The following BMP5 variants were observed in gnomAD, a reference collection of about 807,000 sequenced individuals.
The protein encoded by BMP5 is bone morphogenetic protein 5.
In BMP5, 23 loss-of-function variants were observed where a neutral mutation model predicts 46.6. The ratio of observed to expected loss-of-function variants is 0.49; its 90% CI spans 0.35 to 0.70. The LOEUF is 0.70. Among genes scored for constraint, BMP5 ranks in the 30% least tolerant of loss-of-function variants. The pLI is 0.00. For synonymous variants in BMP5, 204 were observed against 191.9 expected, an observed-to-expected ratio of 1.06 and a Z score of -0.52; for missense variants, 545 against 565.6, an observed-to-expected ratio of 0.96 and a Z score of 0.37.
intron 1 of BMP5, among the ~76,000 whole-genome samples, chr6:55,852,290 T>A (rs775167828): frequency 1.2e-4 from 18 of 152,092 alleles, no homozygotes; most frequent in Non-Finnish European, 2.1e-4. Flanking sequence ...TTTTTGTATA[T>A]TTTTGTGACG....
At chr6:55,772,972 C>A in intron 4 of BMP5, 2 of 956,770 alleles carry the variant, frequency 2.1e-6, no homozygotes, top group East Asian at 1.2e-4. Context: ...AACACTCATG[C>A]ATGTTTGAGT....
chr6:55,841,906 GAGAGAGAGAC>G (rs1445860408), intron 1 of BMP5, among the ~76,000 whole-genome samples: 1 of 142,292 alleles, frequency 7.0e-6, no homozygotes, highest in African/African-American at 2.7e-5. Context: ...CCATAACAGA[GAGAGAGAGAC>G]AGAGAGAGAG....
Position 55,794,397 on chromosome 6 carries a change from T to C in BMP5, c.714A>G (p.Arg238=). The change falls in exon 3 of 7, where the codon AGA becomes AGG. Residue 238 remains arginine (R), a synonymous_variant. Coordinates refer to ENST00000370830, the MANE Select transcript of BMP5 (RefSeq NM_021073.4). ...RDADLFLLDT[R]KAQALDVGWL... is the part of the protein sequence containing the mutation. ...AACCCACATCTAAAGCTTGGGCCTT[T>C]CTTGTGTCTAACAAGAACAGATCTG... is the stretch of plus-strand genomic sequence containing the variant. 6.2e-7 allele frequency: 1 copy of C among 1,614,002 alleles called. No individual in the cohort carries two copies. Among genetic ancestry groups the C allele is most frequent in the Non-Finnish European group, 8.5e-7 (1 of 1,179,898 alleles).
rs149143479 is a variant in BMP5, at chr6:55,802,147, C to A, written c.684-7720G>T. 5.0e-4 allele frequency among the ~76,000 whole-genome samples: 76 copies of A among 152,316 alleles called. No homozygotes were observed. The South Asian group carries it at 0.015, about 31-fold the overall frequency. ...CTATCTATGATTCAACTAGCAAAAT[C>A]TGTGCTTCTGACTCCCAAGACATTG... is the stretch of plus-strand genomic sequence containing the variant. On this transcript the variant is annotated intron_variant, in intron 2 of 6. Coordinates refer to ENST00000370830, the MANE Select transcript of BMP5 (RefSeq NM_021073.4).
intron 4 of BMP5, 89 bp from the exon 5 acceptor site, chr6:55,760,622 G>T: frequency 8.6e-7 from 1 of 1,167,130 alleles, no homozygotes. Flanking sequence ...ATTTTTTAAA[G>T]GGGTTTTATT....
intron 1 of BMP5, among the ~76,000 whole-genome samples, chr6:55,824,141 G>A (rs3798833): frequency 0.22 from 32,689 of 151,750 alleles, 3,728 homozygotes; most frequent in Non-Finnish European, 0.25. Flanking sequence ...AGCTTTTTAA[G>A]AAAGATCTTT....
In BMP5 at chr6:55,755,644, A is replaced by G; in HGVS notation, c.1254T>C (p.Cys418=). The change falls in exon 7 of 7, where the codon TGT becomes TGC. Residue 418 remains cysteine, a synonymous_variant. Transcript: ENST00000370830. The part of the protein sequence containing the change: ...LMFPDHVPKP[C]CAPTKLNAIS... ...TGGCATTTAATTTGGTTGGAGCACA[A>G]CAAGGCTTTGGTACGTGGTCAGGAA... is the stretch of plus-strand genomic sequence containing the variant. 1.2e-6 allele frequency: 2 copies of G among 1,612,556 alleles called. No homozygotes were observed. Among genetic ancestry groups the G allele is most frequent in the Non-Finnish European group, 1.7e-6 (2 of 1,178,954 alleles).
rs537603523 is a variant in BMP5 at position 55,845,502 on chromosome 6, G to T, written c.491-25655C>A. ...TATGTAACACTTCCCTTACTGTTAA[G>T]GTGAGTGTCTCCTACTACCTTAAGA... On this transcript the variant is annotated intron_variant, in intron 1 of 6. Coordinates refer to ENST00000370830, the MANE Select transcript of BMP5 (RefSeq NM_021073.4). Among the ~76,000 whole-genome samples the T allele has an allele frequency of 6.6e-5, 10 of 152,074 alleles. No individual in the cohort carries two copies. The East Asian group carries it at 1.9e-3, about 29-fold the overall frequency.
chr6:55,758,596 G>T (rs937204306), intron 6 of BMP5, among the ~76,000 whole-genome samples: 3 of 151,904 alleles, frequency 2.0e-5, no homozygotes, highest in Admixed American at 1.3e-4. Context: ...ACCAAAGTAT[G>T]TTATAGAACA....
intron 1 of BMP5, among the ~76,000 whole-genome samples, chr6:55,844,009 G>A (rs754524836): frequency 1.3e-5 from 2 of 151,894 alleles, no homozygotes; most frequent in Non-Finnish European, 2.9e-5. Context: ...TACACTAAAG[G>A]TGAATGATCT....
chr6:55,805,030 G>T (rs1428532603), intron 2 of BMP5, among the ~76,000 whole-genome samples: 1 of 152,064 alleles, frequency 6.6e-6, no homozygotes, highest in East Asian at 1.9e-4. Context: ...CATTATAAAT[G>T]AAATCACCTC....
At chr6:55,841,877 G>A (rs1247134330) in intron 1 of BMP5, among the ~76,000 whole-genome samples, 3 of 150,590 alleles carry the variant, frequency 2.0e-5, no homozygotes, top group Admixed American at 1.3e-4. Context: ...ATATGAATTT[G>A]GAGAGAACAA....
At chr6:55,870,140 C>G (rs996319518) in intron 1 of BMP5, among the ~76,000 whole-genome samples, 3 of 151,444 alleles carry the variant, frequency 2.0e-5, no homozygotes, top group Non-Finnish European at 4.4e-5. Context: ...CTTCTTAGTT[C>G]CAGCTAATAC....
chr6:55,867,723 T>C (rs1191556744), intron 1 of BMP5, among the ~76,000 whole-genome samples: 1 of 152,168 alleles, frequency 6.6e-6, no homozygotes, highest in African/African-American at 2.4e-5. Context: ...GCATTTTCAT[T>C]TGCATCAGGG....
intron 3 of BMP5, among the ~76,000 whole-genome samples, chr6:55,779,362 A>C (rs1775253201): frequency 6.6e-6 from 1 of 152,080 alleles, no homozygotes; most frequent in African/African-American, 2.4e-5. Context: ...CATTTCAAAA[A>C]TGGCTCTTGC....
chr6:55,807,435 C>T (rs1333805140), intron 2 of BMP5, among the ~76,000 whole-genome samples: 2 of 152,140 alleles, frequency 1.3e-5, no homozygotes, highest in African/African-American at 4.8e-5. Context: ...GGTGGATAAG[C>T]TTTTGGATGT....
At chr6:55,764,628 G>A (rs181370134) in intron 4 of BMP5, among the ~76,000 whole-genome samples, 3 of 150,396 alleles carry the variant, frequency 2.0e-5, no homozygotes, top group Non-Finnish European at 4.4e-5. Flanking sequence ...GTCAATTAGA[G>A]CAAGATGGAT....
chr6:55,771,450 C>T (rs945248377), intron 4 of BMP5, among the ~76,000 whole-genome samples: 8 of 151,758 alleles, frequency 5.3e-5, no homozygotes, highest in Admixed American at 6.6e-5. Context: ...GCAGTTTCTG[C>T]AGGAAACCTG....
intron 2 of BMP5, among the ~76,000 whole-genome samples, chr6:55,816,813 G>A (rs1256142665): frequency 2.8e-5 from 4 of 144,672 alleles, no homozygotes; most frequent in African/African-American, 7.9e-5. Flanking sequence ...GTGCACGTAC[G>A]TGTGTGTGTG....
Sources: allele counts gnomAD v4.1 joint callset (sites outside exome capture counted in the v4.1 genomes callset), GRCh38; gene constraint gnomAD v4.1.1; transcripts MANE v1.5; gene names NCBI Gene and HGNC (gene_info 2026-07-23, HGNC 2026-07-21).